Variants in MCMDC2 observed in about 807,000 individuals in gnomAD.
The protein encoded by MCMDC2 is minichromosome maintenance domain-containing protein 2.
Under a neutral mutation model 75.8 loss-of-function variants are expected in MCMDC2, and 54 were observed. The observed-to-expected ratio is 0.71, with a 90% confidence interval of 0.57 to 0.89. MCMDC2 has a LOEUF of 0.89. MCMDC2 is among the 40% of genes least tolerant of loss of function. The pLI, the probability that MCMDC2 is intolerant of heterozygous loss-of-function variation, is 0.00. For synonymous variants in MCMDC2, 249 were observed against 274.6 expected (o/e 0.91, Z 0.92); for missense variants, 656 against 780.4 (o/e 0.84, Z 1.90).
At chr8:66,880,019 T>C (rs1472332269) in intron 7 of MCMDC2, among the ~76,000 whole-genome samples, 1 of 152,222 alleles carries the variant, frequency 6.6e-6, no homozygotes, top group Non-Finnish European at 1.5e-5. Flanking sequence ...GAATGGAGGA[T>C]CAAAATTTTT....
At chr8:66,911,017 C>T (rs1472017806) in intron 14 of MCMDC2, among the ~76,000 whole-genome samples, 2 of 152,102 alleles carry the variant, frequency 1.3e-5, no homozygotes, top group Non-Finnish European at 1.5e-5. Flanking sequence ...AGACTTTGGA[C>T]TTGGACTTTT....
chr8:66,894,192 T>C (rs1198554254), intron 10 of MCMDC2, among the ~76,000 whole-genome samples: 1 of 152,218 alleles, frequency 6.6e-6, no homozygotes, highest in African/African-American at 2.4e-5. Flanking sequence ...TATTTCCATA[T>C]CAACACATTT....
chr8:66,889,511 T>A (rs1811998990), intron 9 of MCMDC2, among the ~76,000 whole-genome samples: 1 of 151,988 alleles, frequency 6.6e-6, no homozygotes, highest in South Asian at 2.1e-4. Flanking sequence ...AAAAAAAAAT[T>A]TTGGCTGGAC....
In MCMDC2 at chr8:66,905,252, G is replaced by A. The variant is rs1443287753; in HGVS notation, c.1796G>A (p.Arg599Gln). ...GTTTTCCTATCTGAAGCCCATGCAC[G>A]ACTGAACTTAAGGAACAAAGTGCTT... ...YLVFLSEAHA[R>Q]LNLRNKVLKE... Residue 599 changes from arginine to glutamine, a missense_variant, in exon 14 of 15, where the codon CGA (arginine) becomes CAA (glutamine). Physicochemically the swap from Arg to Gln is conservative, Grantham distance 43 (BLOSUM62 1). Transcript: ENST00000422365. 9 of 1,490,644 alleles carry A rather than the reference G, an allele frequency of 6.0e-6. No individual in the cohort carries two copies. Among genetic ancestry groups the A allele is most frequent in the Admixed American group, 4.5e-5 (2 of 44,842 alleles). 92.3% of individuals were successfully genotyped at this position (1,490,644 alleles called of 1,614,324 possible). A position where few individuals can be genotyped will look rare whatever the true frequency, so the allele number is the denominator to read the frequency against.
intron 14 of MCMDC2, among the ~76,000 whole-genome samples, chr8:66,914,030 C>T (rs1169673102): frequency 1.3e-5 from 2 of 148,920 alleles, no homozygotes; most frequent in Non-Finnish European, 3.0e-5. Flanking sequence ...GTAATCCCAG[C>T]ACTTTGGGAG....
chr8:66,874,613 C>G (rs1386635733), intron 4 of MCMDC2, 27 bp downstream of exon 4: 6 of 1,585,516 alleles, frequency 3.8e-6, no homozygotes, highest in Middle Eastern at 1.8e-4. Flanking sequence ...TTTAAGCAAA[C>G]TCAGGTACAG....
Position 66,918,996 on chromosome 8 carries a change from C to T in MCMDC2, c.1880-7C>T, listed in dbSNP as rs1813421926. 7 of 1,496,454 alleles carry T rather than the reference C, an allele frequency of 4.7e-6. No individual in the cohort carries two copies. The highest frequency in any genetic ancestry group is 6.2e-6 in the Non-Finnish European group (7 of 1,120,136). The allele number at this position is 1,496,454 out of a possible 1,614,324, so 92.7% of individuals were successfully genotyped here. A position where few individuals can be genotyped will look rare whatever the true frequency, so the allele number is the denominator to read the frequency against. On this transcript the variant is annotated splice_region_variant and splice_polypyrimidine_tract_variant and intron_variant, in intron 14 of 14. Transcript: ENST00000422365. The stretch of plus-strand genomic sequence containing the variant: ...GTCATTTACACTCTATTATCTTCTT[C>T]ATTTAGGGGCCACTGTATTTTGTGT...
chr8:66,906,826 G>C (rs897373100), intron 14 of MCMDC2, among the ~76,000 whole-genome samples: 3 of 151,474 alleles, frequency 2.0e-5, no homozygotes, highest in Non-Finnish European at 2.9e-5. Flanking sequence ...GCCCAGGCTG[G>C]AGTGCAATGG....
downstream of MCMDC2, among the ~76,000 whole-genome samples, chr8:66,923,928 C>A (rs959082711): frequency 5.3e-5 from 8 of 151,848 alleles, no homozygotes; most frequent in Non-Finnish European, 1.2e-4. Flanking sequence ...ATCCACACCA[C>A]CCCCCTCCCC....
At chr8:66,883,013 G>A (rs1483317271) in intron 8 of MCMDC2, among the ~76,000 whole-genome samples, 2 of 152,106 alleles carry the variant, frequency 1.3e-5, no homozygotes, top group African/African-American at 4.8e-5. Flanking sequence ...TTAGTCCATG[G>A]GCATGGATGA....
At chr8:66,882,615 TG>T (rs1811641176) in intron 8 of MCMDC2, among the ~76,000 whole-genome samples, 1 of 152,124 alleles carries the variant, frequency 6.6e-6, no homozygotes, top group Non-Finnish European at 1.5e-5. Flanking sequence ...CCGCCCACCT[TG>T]GCCTTCCAAA....
chr8:66,881,203 A>G (rs1811541818), intron 8 of MCMDC2, among the ~76,000 whole-genome samples: 1 of 152,246 alleles, frequency 6.6e-6, no homozygotes, highest in African/African-American at 2.4e-5. Context: ...AGGAAATAAA[A>G]CAGGATAATG....
intron 14 of MCMDC2, among the ~76,000 whole-genome samples, chr8:66,913,962 T>TAAA (rs961586876): frequency 1.3e-5 from 1 of 78,592 alleles, no homozygotes; most frequent in African/African-American, 5.1e-5. Context: ...AGACTCTGTC[T>TAAA]AAAAAAAAAA....
intron 10 of MCMDC2, among the ~76,000 whole-genome samples, chr8:66,894,831 T>C (rs1812269089): frequency 6.6e-6 from 1 of 152,212 alleles, no homozygotes; most frequent in Non-Finnish European, 1.5e-5. Flanking sequence ...TGTGCTACTA[T>C]TACCACTAAC....
At chr8:66,918,328 GTTGA>G (rs1427653494) in intron 14 of MCMDC2, among the ~76,000 whole-genome samples, 2 of 152,072 alleles carry the variant, frequency 1.3e-5, no homozygotes, top group African/African-American at 4.8e-5. Flanking sequence ...CCTTTTCACT[GTTGA>G]TTGTATTGTT....
At chr8:66,884,203 C>A (rs1163652973) in intron 9 of MCMDC2, 8 of 559,550 alleles carry the variant, frequency 1.4e-5, no homozygotes, top group South Asian at 5.2e-5. Context: ...ACCTATTTCC[C>A]CACTCAGACC....
chr8:66,920,040 T>G lies in MCMDC2; in HGVS notation c.*871T>G, dbSNP rs1235956278. The stretch of plus-strand genomic sequence containing the variant: ...CTATTCACAGAAAAGCAAAATGTCA[T>G]TACCAAATTGCCACTTTATTAACCA... On this transcript the variant is annotated 3_prime_UTR_variant, in exon 15 of 15. Transcript: ENST00000422365. 6.6e-6 allele frequency: 1 copy of G among 152,216 alleles called. No homozygotes were observed. The highest frequency in any genetic ancestry group is 2.4e-5 in the African/African-American group (1 of 41,454). 9.4% of individuals were successfully genotyped at this position (152,216 alleles called of 1,614,324 possible).
In MCMDC2 at chr8:66,896,912, C is replaced by T; in HGVS notation, c.1579C>T (p.Leu527=). 1 of 1,612,484 alleles carries T rather than the reference C, an allele frequency of 6.2e-7. No individual in the cohort carries two copies. The highest frequency in any genetic ancestry group is 8.5e-7 in the Non-Finnish European group (1 of 1,179,338). ...GAACAAAGCCATTAATCCTGAAGGG[C>T]TGTTTTATGCGGCTTCTAGACAGTT... The part of the protein sequence containing the change: ...TLNKAINPEG[L]FYAASRQFTT... Residue 527 remains leucine, a synonymous_variant, in exon 12 of 15, where the codon CTG becomes TTG. Transcript: ENST00000422365.
Position 66,901,588 on chromosome 8 carries a change from T to A in MCMDC2, c.1769+240T>A, listed in dbSNP as rs1297554031. 5 of 1,175,500 alleles carry A rather than the reference T, an allele frequency of 4.3e-6. No homozygotes were observed. In the East Asian group the frequency reaches 1.7e-4, roughly 41 times the overall value. The allele number at this position is 1,175,500 out of a possible 1,614,324, so 72.8% of individuals were successfully genotyped here. On this transcript the variant is annotated intron_variant, in intron 13 of 14. Transcript: ENST00000422365. ...GATTTTTATTGGATGCCATATGAGA[T>A]ATGTCTGGGAAAAGTGCACTGATTT...
Sources: allele counts gnomAD v4.1 joint callset (sites outside exome capture counted in the v4.1 genomes callset), GRCh38; gene constraint gnomAD v4.1.1; transcripts MANE v1.5; gene names NCBI Gene and HGNC (gene_info 2026-07-23, HGNC 2026-07-21).